Variants in ATM observed in about 807,000 individuals in gnomAD.
ATM encodes the protein ATM serine/threonine kinase.
A neutral mutation model predicts 387.0 loss-of-function variants in ATM; 308 were observed. The ratio of observed to expected loss-of-function variants is 0.80; its 90% CI spans 0.73 to 0.87. The LOEUF is 0.87. ATM is among the 40% of genes least tolerant of loss of function. ATM has a pLI of 0.00. For missense variants in ATM, 3,312 were observed against 3,560.9 expected (o/e 0.93, Z 1.78); for synonymous variants, 1,156 against 1,187.3 (o/e 0.97, Z 0.54).
chr11:108,288,370 C>T (rs1436245219), intron 27 of ATM, among the ~76,000 whole-genome samples: 4 of 152,164 alleles, frequency 2.6e-5, no homozygotes, highest in African/African-American at 9.7e-5. Context: ...CCGCCGTACC[C>T]AGCCTCACCT....
rs768642883 is a variant in ATM at position 108,257,432 on chromosome 11, A to G, written c.2251-49A>G. On this transcript the variant is annotated intron_variant, in intron 14 of 62. Coordinates refer to ENST00000675843, the MANE Select transcript of ATM (RefSeq NM_000051.4). ...AAAGTACACTGTAAAAAGCAATACT[A>G]AACTATAATTTTAACTGGAATTTGC... is the stretch of plus-strand genomic sequence containing the variant. 6 of 1,599,686 alleles carry G rather than the reference A, an allele frequency of 3.8e-6. No homozygotes were observed. The African/African-American group carries it at 4.0e-5, about 11-fold the overall frequency.
intron 17 of ATM, 93 bp downstream of exon 17, chr11:108,267,435 T>C (rs1591589782): frequency 8.5e-7 from 1 of 1,180,174 alleles, no homozygotes; most frequent in Non-Finnish European, 1.2e-6. Context: ...TTGTGCTTAT[T>C]TCATTTTCTC....
chr11:108,336,823 G>T (rs2086908620), intron 56 of ATM, among the ~76,000 whole-genome samples: 1 of 152,146 alleles, frequency 6.6e-6, no homozygotes. Flanking sequence ...CATTCTATGA[G>T]CTGATCATCT....
rs549710568 is a variant in ATM, at chr11:108,276,384, G to A, written c.3285-3107G>A. 3.9e-5 allele frequency among the ~76,000 whole-genome samples: 6 copies of A among 152,192 alleles called. No individual in the cohort carries two copies. In the East Asian group the frequency reaches 9.7e-4, roughly 25 times the overall value. On this transcript the variant is annotated intron_variant, in intron 22 of 62. Transcript: ENST00000675843. The stretch of plus-strand genomic sequence containing the variant: ...TGTCAATTCGTCAAACTCATTCTCC[G>A]TCCAGTTTTGTTCCCTTGCTGGTGA...
rs1258466072 is a variant in ATM, at chr11:108,249,205, C to CA, written c.1235+104dup. 7 of 1,322,196 alleles carry CA rather than the reference C, an allele frequency of 5.3e-6. No individual in the cohort carries two copies. The African/African-American group carries it at 1.0e-4, about 19-fold the overall frequency. The allele number at this position is 1,322,196 out of a possible 1,614,324, so 81.9% of individuals were successfully genotyped here. ...CCTTTCATCTCAACCAGAACTAAGTCATTTGTCTACCCCCAAACCTATTAC... is the reference window on the plus strand; with the variant it reads ...CCTTTCATCTCAACCAGAACTAAGTCAATTTGTCTACCCCCAAACCTATTAC... On this transcript the variant is annotated intron_variant, in intron 9 of 62. Transcript: ENST00000675843.
chr11:108,324,048 A>T (rs1416036082), intron 45 of ATM, among the ~76,000 whole-genome samples: 1 of 17,516 alleles, frequency 5.7e-5, no homozygotes, highest in Non-Finnish European at 1.1e-4. Flanking sequence ...CGCAGATCAA[A>T]AATATTTGAA....
At chr11:108,349,141 C>CA (rs763535311) in intron 59 of ATM, among the ~76,000 whole-genome samples, 3 of 152,102 alleles carry the variant, frequency 2.0e-5, no homozygotes, top group Non-Finnish European at 2.9e-5. Context: ...GAGAAGTACT[C>CA]AAAGGAAGTC....
At chr11:108,300,896 T>C (rs2083393963) in intron 34 of ATM, among the ~76,000 whole-genome samples, 1 of 149,178 alleles carries the variant, frequency 6.7e-6, no homozygotes. Context: ...TTTTTTTTTT[T>C]TTTTGAGACA....
At chr11:108,287,123 A>G (rs1165072266) in intron 26 of ATM, 1 of 153,856 alleles carries the variant, frequency 6.5e-6, no homozygotes, top group African/African-American at 2.4e-5. Flanking sequence ...ACTCAAGTAG[A>G]AGTCTGGGAA....
In ATM at chr11:108,334,649, G is replaced by A. The variant is rs56203417; in HGVS notation, c.8011-320G>A. 4.1e-3 allele frequency among the ~76,000 whole-genome samples: 631 copies of A among 152,188 alleles called. 2 individuals are homozygous for A. The highest frequency in any genetic ancestry group is 0.024 in the Middle Eastern group (7 of 294). ...CTAGCTATATCAGCTAGGTGATTTCGCTGAATGTTTCCTTAAAATGCCAGA... is the reference window on the plus strand; with the variant it reads ...CTAGCTATATCAGCTAGGTGATTTCACTGAATGTTTCCTTAAAATGCCAGA... On this transcript the variant is annotated intron_variant, in intron 54 of 62. Coordinates refer to ENST00000675843, the MANE Select transcript of ATM (RefSeq NM_000051.4).
At chr11:108,317,103 T>TAAA (rs371678767) in intron 42 of ATM, among the ~76,000 whole-genome samples, 6 of 149,532 alleles carry the variant, frequency 4.0e-5, no homozygotes, top group Admixed American at 6.7e-5. Context: ...CCAGCTATTT[T>TAAA]AAAAAAAAAA....
intron 4 of ATM, chr11:108,229,567 A>ACAACCAG: frequency 2.3e-6 from 1 of 428,676 alleles, no homozygotes; most frequent in Non-Finnish European, 4.1e-6. Context: ...ACTGGTTGTG[A>ACAACCAG]TCAATTCGTT....
chr11:108,227,576 A>G lies in ATM; in HGVS notation c.-30-19A>G, dbSNP rs763900742. 1.1e-5 allele frequency: 16 copies of G among 1,439,294 alleles called. No individual in the cohort carries two copies. Among genetic ancestry groups the G allele is most frequent in the Non-Finnish European group, 1.5e-5 (15 of 1,021,656 alleles). The allele number at this position is 1,439,294 out of a possible 1,614,324, so 89.2% of individuals were successfully genotyped here. On this transcript the variant is annotated intron_variant, in intron 1 of 62. Coordinates refer to ENST00000675843, the MANE Select transcript of ATM (RefSeq NM_000051.4). ...TATATACATATACATATATATACCT[A>G]TATGTATTTTTTTTACAGACAGTGA...
intron 56 of ATM, among the ~76,000 whole-genome samples, chr11:108,342,543 G>A (rs1163010329): frequency 1.3e-5 from 2 of 152,088 alleles, no homozygotes; most frequent in African/African-American, 4.8e-5. Flanking sequence ...TTGATGGTGG[G>A]AGGGACTTAG....
intron 5 of ATM, among the ~76,000 whole-genome samples, chr11:108,241,117 T>G (rs1210330352): frequency 6.6e-6 from 1 of 152,206 alleles, no homozygotes; most frequent in Non-Finnish European, 1.5e-5. Context: ...TAGGCCTACA[T>G]AAGGTCAGGA....
chr11:108,357,648 A>G (rs1338079778), intron 61 of ATM, among the ~76,000 whole-genome samples: 1 of 152,062 alleles, frequency 6.6e-6, no homozygotes, highest in Non-Finnish European at 1.5e-5. Flanking sequence ...CTGACCCCCG[A>G]GCAGCCTAAC....
At position 108,235,662 on chromosome 11, in the gene ATM, T is replaced by C; in HGVS notation, c.332-8T>C. Reference sequence around the variant, plus strand: ...TATGTTTTTCTTTATTTGTTTATTTTGAAATAGGAGCACCTAGGCTAAAAT... The same window carrying C: ...TATGTTTTTCTTTATTTGTTTATTTCGAAATAGGAGCACCTAGGCTAAAAT... On this transcript the variant is annotated splice_polypyrimidine_tract_variant and splice_region_variant and intron_variant, in intron 4 of 62. Transcript: ENST00000675843. 6.3e-7 allele frequency: 1 copy of C among 1,597,982 alleles called. No individual in the cohort carries two copies. The highest frequency in any genetic ancestry group is 8.6e-7 in the Non-Finnish European group (1 of 1,166,976).
chr11:108,362,587 A>G (rs1261952872), intron 61 of ATM, among the ~76,000 whole-genome samples: 38 of 145,172 alleles, frequency 2.6e-4, no homozygotes, highest in Admixed American at 3.4e-4. Flanking sequence ...AAGAAAATGT[A>G]GCACATATAC....
intron 49 of ATM, 67 bp from the exon 50 acceptor site, chr11:108,330,147 A>G: frequency 2.6e-6 from 4 of 1,518,424 alleles, no homozygotes; most frequent in East Asian, 2.4e-5. Context: ...GTTGTATATC[A>G]TGTGTGATTT....
Sources: allele counts gnomAD v4.1 joint callset (sites outside exome capture counted in the v4.1 genomes callset), GRCh38; gene constraint gnomAD v4.1.1; transcripts MANE v1.5; gene names NCBI Gene and HGNC (gene_info 2026-07-23, HGNC 2026-07-21).